Variants in LDB2 observed in about 807,000 individuals in gnomAD.
LDB2 encodes LIM domain-binding protein 2.
Under a neutral mutation model 44.3 loss-of-function variants are expected in LDB2, and 12 were observed. That is an observed-to-expected ratio of 0.27 (90% CI 0.17 to 0.44). LDB2 has a LOEUF of 0.44. Ranked by LOEUF, LDB2 falls within the 20% of genes least tolerant of loss-of-function variation. The pLI is 1.00. For synonymous variants in LDB2, 164 were observed against 174.8 expected, an observed-to-expected ratio of 0.94 and a Z score of 0.49; for missense variants, 344 against 473.5, an observed-to-expected ratio of 0.73 and a Z score of 2.54.
intron 2 of LDB2, among the ~76,000 whole-genome samples, chr4:16,677,066 G>A (rs185475144): frequency 2.0e-5 from 3 of 152,300 alleles, no homozygotes; most frequent in Non-Finnish European, 2.9e-5. Flanking sequence ...CCCTTAAGTG[G>A]GGAGAGGACA....
intron 1 of LDB2, among the ~76,000 whole-genome samples, chr4:16,810,239 G>A (rs548051310): frequency 1.3e-5 from 2 of 152,272 alleles, no homozygotes; most frequent in Non-Finnish European, 2.9e-5. Flanking sequence ...CATGACACAT[G>A]TACAGCAATA....
At chr4:16,751,275 A>G (rs1374210581) in intron 2 of LDB2, among the ~76,000 whole-genome samples, 6 of 152,238 alleles carry the variant, frequency 3.9e-5, no homozygotes. Context: ...ATTAGGGGAT[A>G]ATAAAAACAT....
At chr4:16,672,583 C>T (rs1745082787) in intron 2 of LDB2, among the ~76,000 whole-genome samples, 1 of 152,140 alleles carries the variant, frequency 6.6e-6, no homozygotes, top group South Asian at 2.1e-4. Context: ...TTATTAAAAA[C>T]AGAAAATCTG....
chr4:16,893,968 C>G (rs1580559412), intron 1 of LDB2, among the ~76,000 whole-genome samples: 1 of 151,998 alleles, frequency 6.6e-6, no homozygotes, highest in Non-Finnish European at 1.5e-5. Context: ...TTATAATAAT[C>G]GAACATTAGT....
At chr4:16,876,904 T>C (rs1439270432) in intron 1 of LDB2, among the ~76,000 whole-genome samples, 2 of 140,064 alleles carry the variant, frequency 1.4e-5, no homozygotes, top group Non-Finnish European at 3.1e-5. Context: ...ATTTGTATAG[T>C]GCTTTTTTTT....
chr4:16,629,606 A>G (rs957235977), intron 2 of LDB2, among the ~76,000 whole-genome samples: 1 of 152,064 alleles, frequency 6.6e-6, no homozygotes, highest in Admixed American at 6.5e-5. Flanking sequence ...AAACAGAAGT[A>G]GGCTTCAGAA....
intron 5 of LDB2, among the ~76,000 whole-genome samples, chr4:16,526,664 A>C (rs1728357999): frequency 6.6e-6 from 1 of 152,246 alleles, no homozygotes; most frequent in Non-Finnish European, 1.5e-5. Flanking sequence ...CAGCATGAGA[A>C]GGACTTGGCC....
chr4:16,844,289 T>C (rs567193581), intron 1 of LDB2, among the ~76,000 whole-genome samples: 29 of 140,774 alleles, frequency 2.1e-4, no homozygotes, highest in Admixed American at 5.8e-4. Context: ...CTATCAATGG[T>C]GAGTCACCAA....
chr4:16,650,404 A>T (rs536136024), intron 2 of LDB2, among the ~76,000 whole-genome samples: 9 of 152,106 alleles, frequency 5.9e-5, no homozygotes, highest in African/African-American at 1.9e-4. Context: ...TCATTCACCC[A>T]GTAAGTATTT....
chr4:16,805,277 C>T (rs146224025), intron 1 of LDB2, among the ~76,000 whole-genome samples: 200 of 152,308 alleles, frequency 1.3e-3, no homozygotes, highest in Middle Eastern at 3.4e-3. Flanking sequence ...TGAAAGCATT[C>T]GGTCCATAAT....
chr4:16,594,682 C>T (rs949468232), intron 3 of LDB2, among the ~76,000 whole-genome samples: 8 of 152,184 alleles, frequency 5.3e-5, no homozygotes, highest in African/African-American at 1.9e-4. Context: ...TTTATTCTTG[C>T]AGCAAAATTG....
rs1016118176 is a variant in LDB2, at chr4:16,582,786, C to G, written c.615+3136G>C. Among the ~76,000 whole-genome samples, 2 of 152,156 alleles carry G rather than the reference C, an allele frequency of 1.3e-5. No homozygotes were observed. Among genetic ancestry groups the G allele is most frequent in the East Asian group, 3.9e-4 (2 of 5,142 alleles). ...TGTGACAGGGCGCCATCTCTGCAGG[C>G]TCAGCGGCTTCCAGCCACAGCTCCA... On this transcript the variant is annotated intron_variant, in intron 5 of 7. Transcript: ENST00000304523. This position sits in a 1 kb window ranked among gnomAD's most constrained non-coding sequence, Gnocchi z 4.8.
intron 1 of LDB2, among the ~76,000 whole-genome samples, chr4:16,845,781 T>C (rs982773752): frequency 1.2e-4 from 18 of 152,154 alleles, no homozygotes; most frequent in African/African-American, 4.1e-4. Flanking sequence ...TAGGAAATGG[T>C]GCAAGAGAAG....
At chr4:16,679,309 G>GAGGA (rs796529320) in intron 2 of LDB2, among the ~76,000 whole-genome samples, 3 of 152,020 alleles carry the variant, frequency 2.0e-5, no homozygotes, top group Admixed American at 2.0e-4. Context: ...GGAGGAGAGG[G>GAGGA]AGGAAGGAAG....
chr4:16,545,974 G>A (rs1367548193), intron 5 of LDB2, among the ~76,000 whole-genome samples: 1 of 152,160 alleles, frequency 6.6e-6, no homozygotes, highest in Non-Finnish European at 1.5e-5. Flanking sequence ...TGAAATAATT[G>A]CAACAGGGTA....
At chr4:16,889,380 T>C (rs1353949944) in intron 1 of LDB2, 3 of 152,166 alleles carry the variant, frequency 2.0e-5, no homozygotes, top group African/African-American at 4.8e-5. Context: ...AGGATAAGTA[T>C]AAATATTTTT....
intron 1 of LDB2, among the ~76,000 whole-genome samples, chr4:16,890,353 G>A (rs570472597): frequency 2.6e-5 from 4 of 152,300 alleles, no homozygotes; most frequent in Non-Finnish European, 4.4e-5. Context: ...AGATGGAAAG[G>A]GGGGGCACGG....
intron 2 of LDB2, among the ~76,000 whole-genome samples, chr4:16,658,363 C>A (rs890429913): frequency 1.3e-5 from 2 of 152,178 alleles, no homozygotes; most frequent in African/African-American, 4.8e-5. Flanking sequence ...TGAGGCCTCT[C>A]TTATACCAGT....
At chr4:16,730,196 G>A (rs1760442558) in intron 2 of LDB2, among the ~76,000 whole-genome samples, 1 of 152,088 alleles carries the variant, frequency 6.6e-6, no homozygotes. Context: ...GCATAATAGG[G>A]GGATCTTGAG....
Sources: gnomAD v4.1 joint callset for allele counts (sites outside exome capture counted in the v4.1 genomes callset) on GRCh38, gnomAD v4.1.1 for gene constraint, Gnocchi (gnomAD v3.1) non-coding constraint, MANE v1.5 for transcripts, NCBI Gene and HGNC (gene_info 2026-07-23, HGNC 2026-07-21) for gene names.